RAPGEF1: variants seen among roughly 807,000 people sequenced by gnomAD.
RAPGEF1 encodes Rap guanine nucleotide exchange factor 1, also known as CRK SH3-binding GNRP.
RAPGEF1 carries 33 observed loss-of-function variants against 143.3 expected under a neutral mutation model. That is an observed-to-expected ratio of 0.23 (90% CI 0.17 to 0.31). The LOEUF (loss-of-function observed/expected upper bound fraction) is 0.31, where lower values mean the gene tolerates loss of function less well. RAPGEF1 is among the 10% of genes least tolerant of loss of function. The pLI, the probability that RAPGEF1 is intolerant of heterozygous loss-of-function variation, is 1.00. For missense variants in RAPGEF1, 1,199 were observed against 1,645.4 expected (o/e 0.73, Z 4.69); for synonymous variants, 629 against 676.5 (o/e 0.93, Z 1.09).
intron 25 of RAPGEF1, among the ~76,000 whole-genome samples, chr9:131,581,610 G>A (rs1435362180): frequency 6.6e-6 from 1 of 152,090 alleles, no homozygotes; most frequent in African/African-American, 2.4e-5. Context: ...GCTGAGGTGG[G>A]AGAACTGCTT....
At chr9:131,614,841 T>TC (rs1463726334) in intron 12 of RAPGEF1, among the ~76,000 whole-genome samples, 7 of 152,144 alleles carry the variant, frequency 4.6e-5, no homozygotes, top group Non-Finnish European at 1.0e-4. Flanking sequence ...GAAGTTTTTT[T>TC]TTTTTTTTTA....
intron 5 of RAPGEF1, among the ~76,000 whole-genome samples, chr9:131,636,396 T>A (rs1966382641): frequency 6.6e-6 from 1 of 152,264 alleles, no homozygotes; most frequent in African/African-American, 2.4e-5. Context: ...GCTCTGACAT[T>A]GACAAGTTCA....
chr9:131,717,151 G>A (rs547485890), intron 1 of RAPGEF1, among the ~76,000 whole-genome samples: 233 of 152,308 alleles, frequency 1.5e-3, no homozygotes, highest in African/African-American at 5.1e-3. Flanking sequence ...TGGCCAGCCC[G>A]CTGACCTCAG....
chr9:131,728,430 G>T (rs1012685544), intron 1 of RAPGEF1, among the ~76,000 whole-genome samples: 2 of 152,202 alleles, frequency 1.3e-5, no homozygotes, highest in African/African-American at 2.4e-5. Flanking sequence ...ACCTGTTGGT[G>T]TATCAGCCCT....
Position 131,714,927 on chromosome 9 carries a change from T to C in RAPGEF1, c.61+24843A>G, listed in dbSNP as rs957381280. On this transcript the variant is annotated intron_variant, in intron 1 of 26. Transcript: ENST00000683357. ...GCATCTTGCTTGGTTGCCAGGCTGG[T>C]CTCAAACTCATGGCCTCAGGTGATC... Among the ~76,000 whole-genome samples the C allele has an allele frequency of 3.3e-4, 50 of 151,962 alleles. 2 individuals carry two copies. The highest frequency in any genetic ancestry group is 1.2e-4 in the Non-Finnish European group (8 of 67,988).
rs943738267 is a variant in RAPGEF1, at chr9:131,733,719, C to T, written c.61+6051G>A. Among the ~76,000 whole-genome samples the T allele has an allele frequency of 3.3e-5, 5 of 152,192 alleles. No homozygotes were observed. In the South Asian group the frequency reaches 1.0e-3, roughly 32 times the overall value. On this transcript the variant is annotated intron_variant, in intron 1 of 26. Transcript: ENST00000683357. Reference sequence around the variant, plus strand: ...CAGGCGGTGGGTTGTCAGGCCTCTCCTCTTTCCAGAGCGTGATCTTATCCT... The same window carrying T: ...CAGGCGGTGGGTTGTCAGGCCTCTCTTCTTTCCAGAGCGTGATCTTATCCT...
intron 1 of RAPGEF1, among the ~76,000 whole-genome samples, chr9:131,657,697 G>C (rs894792285): frequency 1.3e-5 from 2 of 152,114 alleles, no homozygotes; most frequent in Non-Finnish European, 2.9e-5. Context: ...CAGCCCCTGG[G>C]GCTGGTGACT....
intron 12 of RAPGEF1, among the ~76,000 whole-genome samples, chr9:131,614,760 C>A (rs1369257048): frequency 6.6e-6 from 1 of 152,188 alleles, no homozygotes; most frequent in Non-Finnish European, 1.5e-5. Context: ...GAATGGGATG[C>A]CAGCTGCTCT....
chr9:131,660,430 T>C lies in RAPGEF1; in HGVS notation c.62-9481A>G, dbSNP rs12685703. On this transcript the variant is annotated intron_variant, in intron 1 of 26. Transcript: ENST00000683357. The stretch of plus-strand genomic sequence containing the variant: ...CTCATAATTCCACACACAGCAGAAA[T>C]ATTTTTTCACTTTTTTTTTTTTTAA... Among the ~76,000 whole-genome samples the C allele has an allele frequency of 4.4e-5, 5 of 114,090 alleles. No individual in the cohort carries two copies. The East Asian group carries it at 1.3e-3, about 29-fold the overall frequency. 74.8% of individuals were successfully genotyped at this position (114,090 alleles called of 152,430 possible).
intron 1 of RAPGEF1, among the ~76,000 whole-genome samples, chr9:131,660,019 C>T (rs1180356332): frequency 2.0e-5 from 3 of 152,096 alleles, no homozygotes; most frequent in Non-Finnish European, 2.9e-5. Context: ...GGGGTTTCAC[C>T]GTGTTAGCCA....
chr9:131,592,431 G>C (rs912035616), intron 17 of RAPGEF1, among the ~76,000 whole-genome samples: 1 of 152,304 alleles, frequency 6.6e-6, no homozygotes, highest in South Asian at 2.1e-4. Flanking sequence ...ACAGGAAAGG[G>C]TTTTATCTCA....
chr9:131,617,941 G>A (rs901855534), intron 12 of RAPGEF1, among the ~76,000 whole-genome samples: 9 of 152,180 alleles, frequency 5.9e-5, no homozygotes, highest in African/African-American at 2.2e-4. Flanking sequence ...CTGGACATGC[G>A]CAGATGCCAG....
At chr9:131,698,369 T>G in intron 1 of RAPGEF1, among the ~76,000 whole-genome samples, 1 of 152,242 alleles carries the variant, frequency 6.6e-6, no homozygotes, top group East Asian at 1.9e-4. Context: ...ACTTACTAGC[T>G]GCATGATCTT....
In RAPGEF1 at chr9:131,650,788, G is replaced by A. The variant is rs767270589; in HGVS notation, c.201+22C>T. 1.8e-5 allele frequency: 29 copies of A among 1,611,906 alleles called. No individual in the cohort carries two copies. The South Asian group carries it at 3.1e-4, about 17-fold the overall frequency. On this transcript the variant is annotated intron_variant, in intron 2 of 26. Coordinates refer to ENST00000683357, the MANE Select transcript of RAPGEF1 (RefSeq NM_001377935.1). The surrounding 1 kb of genome is among the most constrained non-coding windows in gnomAD (Gnocchi z 4.7). ...TTGCTGGAAGCAGGTGAGGCCAGGA[G>A]AAACATCCAGAGTCAGCTTACTTTG... is the stretch of plus-strand genomic sequence containing the variant.
At chr9:131,732,503 C>A (rs563130652) in intron 1 of RAPGEF1, among the ~76,000 whole-genome samples, 1 of 152,340 alleles carries the variant, frequency 6.6e-6, no homozygotes, top group African/African-American at 2.4e-5. Flanking sequence ...CCAATGGATG[C>A]GGCATCAGAA....
intron 1 of RAPGEF1, among the ~76,000 whole-genome samples, chr9:131,738,215 T>C (rs1837544464): frequency 6.8e-6 from 1 of 147,308 alleles, no homozygotes; most frequent in Non-Finnish European, 1.5e-5. Flanking sequence ...TAAAACATAA[T>C]ATAATCTTAT....
rs1420396536 is a variant in RAPGEF1, at chr9:131,621,791, C to T, written c.1905+5G>A. On this transcript the variant is annotated splice_donor_5th_base_variant and intron_variant, in intron 11 of 26. Coordinates refer to ENST00000683357, the MANE Select transcript of RAPGEF1 (RefSeq NM_001377935.1). This position sits in a 1 kb window ranked among gnomAD's most constrained non-coding sequence, Gnocchi z 4.5. ...GTTCTAGTCACAAGGGAAGGTGTCA[C>T]TCACCAGCTGCCGCTGCTTGGGGGG... The T allele has an allele frequency of 6.3e-7, 1 of 1,598,436 alleles. No homozygotes were observed. Among genetic ancestry groups the T allele is most frequent in the Non-Finnish European group, 8.5e-7 (1 of 1,173,256 alleles).
At chr9:131,669,126 G>A (rs1474719195) in intron 1 of RAPGEF1, among the ~76,000 whole-genome samples, 1 of 152,250 alleles carries the variant, frequency 6.6e-6, no homozygotes, top group Non-Finnish European at 1.5e-5. Flanking sequence ...CCTGCAGGCA[G>A]GAGGTGGCAG....
At chr9:131,580,447 G>A (rs1951693115) in intron 25 of RAPGEF1, 56 bp from the exon 26 acceptor site, 1 of 1,579,270 alleles carries the variant, frequency 6.3e-7, no homozygotes, top group Non-Finnish European at 8.6e-7. Context: ...AGCAGCAAGG[G>A]CTAGAGACAT....
Sources: allele counts gnomAD v4.1 joint callset (sites outside exome capture counted in the v4.1 genomes callset), GRCh38; gene constraint gnomAD v4.1.1; non-coding constraint Gnocchi (gnomAD v3.1); transcripts MANE v1.5; gene names NCBI Gene and HGNC (gene_info 2026-07-23, HGNC 2026-07-21).